Variants in MAST1 observed in about 807,000 individuals in gnomAD.
The protein encoded by MAST1 is microtubule associated serine/threonine kinase 1.
MAST1 carries 40 observed loss-of-function variants against 124.6 expected under a neutral mutation model. The observed-to-expected ratio is 0.32, with a 90% CI of 0.25 to 0.42. The LOEUF (loss-of-function observed/expected upper bound fraction) is 0.42. Ranked by LOEUF, MAST1 falls within the 10% of genes least tolerant of loss-of-function variation. The pLI is 1.00. For synonymous variants in MAST1, 938 were observed against 939.4 expected (o/e 1.00, Z 0.03); for missense variants, 1,558 against 2,181.9 (o/e 0.71, Z 5.70).
At chr19:12,861,152 TC>T (rs1970077599) in intron 12 of MAST1, among the ~76,000 whole-genome samples, 1 of 152,056 alleles carries the variant, frequency 6.6e-6, no homozygotes, top group Non-Finnish European at 1.5e-5. Flanking sequence ...AACCTCCATC[TC>T]CCAGGCTCAA....
At chr19:12,867,384 G>A (rs1469829446) in intron 18 of MAST1, 90 bp from the exon 19 acceptor site, 13 of 1,488,488 alleles carry the variant, frequency 8.7e-6, no homozygotes, top group Non-Finnish European at 1.2e-5. Context: ...GGTGGAGTGC[G>A]TTTTGCGGGG....
chr19:12,870,478 G>A (rs1241048565), intron 22 of MAST1, among the ~76,000 whole-genome samples: 1 of 136,418 alleles, frequency 7.3e-6, no homozygotes, highest in South Asian at 2.4e-4. Context: ...GTGACAGAGC[G>A]AGAGACTCCG....
chr19:12,871,214 G>T, intron 24 of MAST1, 42 bp downstream of exon 24: 1 of 1,612,018 alleles, frequency 6.2e-7, no homozygotes, highest in South Asian at 1.1e-5. Context: ...AGCAGTGGGT[G>T]GAACTTAGGC....
In MAST1 at chr19:12,838,807, A is replaced by C; in HGVS notation, c.83+152A>C. The C allele has an allele frequency of 1.2e-4, 53 of 435,080 alleles. No homozygotes were observed. Among genetic ancestry groups the C allele is most frequent in the East Asian group, 2.5e-4 (3 of 11,970 alleles). 27.0% of individuals were successfully genotyped at this position (435,080 alleles called of 1,614,324 possible). On this transcript the variant is annotated intron_variant, in intron 1 of 25. Coordinates refer to ENST00000251472, the MANE Select transcript of MAST1 (RefSeq NM_014975.3). This position sits in a 1 kb window ranked among gnomAD's most constrained non-coding sequence, Gnocchi z 4.3. The stretch of plus-strand genomic sequence containing the variant: ...GCCTTCCCGCCGGGGTTGGGGTTGA[A>C]TGGGGGGTGGTGTGGGCCGAGTCTG...
At chr19:12,839,277 T>C (rs1245280006) in intron 1 of MAST1, among the ~76,000 whole-genome samples, 4 of 150,834 alleles carry the variant, frequency 2.7e-5, no homozygotes, top group African/African-American at 9.8e-5. Flanking sequence ...GTGCCACACA[T>C]ACCTAGCCTT....
At chr19:12,845,559 G>T (rs1280382878) in intron 4 of MAST1, among the ~76,000 whole-genome samples, 1 of 151,800 alleles carries the variant, frequency 6.6e-6, no homozygotes, top group African/African-American at 2.4e-5. Context: ...ACTCCAGCCT[G>T]GGGGAGAGAG....
chr19:12,861,686 CTTTCTT>C (rs1555743470), intron 12 of MAST1, among the ~76,000 whole-genome samples: 25 of 66,156 alleles, frequency 3.8e-4, no homozygotes, highest in Admixed American at 6.4e-4. Context: ...TTCTCTCTTT[CTTTCTT>C]TCTTTCTTTC....
At chr19:12,852,067 TG>T (rs1200254547) in intron 8 of MAST1, 32 bp downstream of exon 8, 1 of 1,613,662 alleles carries the variant, frequency 6.2e-7, no homozygotes, top group Admixed American at 1.7e-5. Flanking sequence ...AGGGGTGGGT[TG>T]GTAGACCCTG....
chr19:12,840,921 ATGC>A, intron 2 of MAST1, 67 bp from the exon 3 acceptor site: 1 of 783,500 alleles, frequency 1.3e-6, no homozygotes. Context: ...AAGACAGGAC[ATGC>A]TGCTGTTTGC....
chr19:12,874,931 A>T lies in MAST1; in HGVS notation c.*61A>T. The T allele has an allele frequency of 6.5e-7, 1 of 1,531,960 alleles. No homozygotes were observed. Among genetic ancestry groups the T allele is most frequent in the Non-Finnish European group, 8.8e-7 (1 of 1,141,052 alleles). The allele number at this position is 1,531,960 out of a possible 1,614,324, so 94.9% of individuals were successfully genotyped here. On this transcript the variant is annotated 3_prime_UTR_variant, in exon 26 of 26. Coordinates refer to ENST00000251472, the MANE Select transcript of MAST1 (RefSeq NM_014975.3). The surrounding 1 kb of genome is among the most constrained non-coding windows in gnomAD (Gnocchi z 6.6). Reference sequence around the variant, plus strand: ...CGTATACATATGTACACATATAAATAAAGTGCGTCCGTGCTGCGTGAGTTT... The same window carrying T: ...CGTATACATATGTACACATATAAATTAAGTGCGTCCGTGCTGCGTGAGTTT...
intron 10 of MAST1, among the ~76,000 whole-genome samples, chr19:12,853,008 T>C (rs10423787): frequency 0.32 from 48,357 of 150,570 alleles, 8,271 homozygotes; most frequent in East Asian, 0.63. Flanking sequence ...TTTGCTCTTG[T>C]TGCCCAGGCT....
rs776692754 is a variant in MAST1 at position 12,864,811 on chromosome 19, G to A, written c.1369G>A (p.Gly457Ser). Residue 457 changes from glycine to serine, a missense_variant and splice_region_variant, in exon 13 of 26, where the codon GGC becomes AGC. Physicochemically the swap from Gly to Ser is moderately conservative, Grantham distance 56. Transcript: ENST00000251472. ...CGGGCCCATTTCCTGGCCTGCAGGC[G>A]GCGACTGTGCCACCCTGCTGAAGAA... Reference protein sequence around the residue: ...LCMVMEYVEGGDCATLLKNIG... With the variant: ...LCMVMEYVEGSDCATLLKNIG... 3.1e-6 allele frequency: 5 copies of A among 1,613,712 alleles called. No homozygotes were observed. The highest frequency in any genetic ancestry group is 3.4e-6 in the Non-Finnish European group (4 of 1,180,008).
chr19:12,859,826 CAAAAAA>C (rs60098806), intron 12 of MAST1, among the ~76,000 whole-genome samples: 6 of 93,178 alleles, frequency 6.4e-5, no homozygotes, highest in Non-Finnish European at 1.1e-4. Flanking sequence ...CCCTGTCCCG[CAAAAAA>C]AAAAAAAAAA....
chr19:12,848,160 A>G lies in MAST1; in HGVS notation c.774+103A>G. 4.7e-6 allele frequency: 5 copies of G among 1,061,708 alleles called. No individual in the cohort carries two copies. In the South Asian group the frequency reaches 7.5e-5, roughly 16 times the overall value. 65.8% of individuals were successfully genotyped at this position (1,061,708 alleles called of 1,614,324 possible). On this transcript the variant is annotated intron_variant, in intron 7 of 25. Coordinates refer to ENST00000251472, the MANE Select transcript of MAST1 (RefSeq NM_014975.3). ...CACATACATTCAGGGAGCTCCTACC[A>G]CGTTCCAGGCACTGGCGTGGAGCTG...
chr19:12,840,036 C>A (rs1969806608), intron 1 of MAST1, among the ~76,000 whole-genome samples: 1 of 152,192 alleles, frequency 6.6e-6, no homozygotes, highest in Non-Finnish European at 1.5e-5. Flanking sequence ...GATAAACCCA[C>A]GTTGTGTCAC....
chr19:12,868,993 G>A, intron 21 of MAST1, 73 bp from the exon 22 acceptor site: 1 of 1,553,332 alleles, frequency 6.4e-7, no homozygotes, highest in Non-Finnish European at 8.9e-7. Context: ...TGCCTTGGGA[G>A]GAGGGAGGAG....
intron 12 of MAST1, among the ~76,000 whole-genome samples, chr19:12,863,671 C>T (rs1970113727): frequency 6.6e-6 from 1 of 152,130 alleles, no homozygotes; most frequent in African/African-American, 2.4e-5. Flanking sequence ...GTGAAAATTC[C>T]AAGGGCTAAC....
chr19:12,873,951 A>G lies in MAST1; in HGVS notation c.3794A>G (p.Gln1265Arg). ...CGCTCGCCGCTCCTCAAGCGCGTGC[A>G]GTCGGCCGAGAAGCTGGGAGCCTCT... The part of the protein sequence containing the change: ...PPRSPLLKRV[Q>R]SAEKLGASLS... Residue 1265 changes from glutamine (Q) to arginine (R), a missense_variant, in exon 26 of 26, where the codon CAG becomes CGG. Gln to Arg is a conservative substitution (Grantham distance 43). Coordinates refer to ENST00000251472, the MANE Select transcript of MAST1 (RefSeq NM_014975.3). The G allele has an allele frequency of 6.3e-7, 1 of 1,596,012 alleles. No homozygotes were observed. The highest frequency in any genetic ancestry group is 8.5e-7 in the Non-Finnish European group (1 of 1,177,546).
In MAST1 at chr19:12,865,357, G is replaced by T; in HGVS notation, c.1680G>T (p.Leu560=). 6.2e-7 allele frequency: 1 copy of T among 1,609,658 alleles called. No individual in the cohort carries two copies. Among genetic ancestry groups the T allele is most frequent in the Non-Finnish European group, 8.5e-7 (1 of 1,177,774 alleles). The change falls in exon 15 of 26, where the codon CTG becomes CTT. Residue 560 remains leucine (L), a synonymous_variant. Transcript: ENST00000251472. This position sits in a 1 kb window ranked among gnomAD's most constrained non-coding sequence, Gnocchi z 7.1. ...TPEYIAPEVI[L]RQGYGKPVDW... Reference sequence around the variant, plus strand: ...AGTACATCGCGCCCGAGGTCATCCTGCGTCAAGGCTACGGCAAGCCAGTGG... The same window carrying T: ...AGTACATCGCGCCCGAGGTCATCCTTCGTCAAGGCTACGGCAAGCCAGTGG...
Sources: allele counts gnomAD v4.1 joint callset (sites outside exome capture counted in the v4.1 genomes callset), GRCh38; gene constraint gnomAD v4.1.1; non-coding constraint Gnocchi (gnomAD v3.1); transcripts MANE v1.5; gene names NCBI Gene and HGNC (gene_info 2026-07-23, HGNC 2026-07-21).